USP20: variants seen among roughly 807,000 people sequenced by gnomAD.
The protein encoded by USP20 is ubiquitin specific peptidase 20, also known as ubiquitin carboxyl-terminal hydrolase 20.
In USP20, 80 loss-of-function variants were observed where a neutral mutation model predicts 124.2. The observed-to-expected ratio is 0.64, with a 90% CI of 0.54 to 0.78. The LOEUF is 0.78. Among genes scored for constraint, USP20 ranks in the 30% least tolerant of loss-of-function variants. USP20 has a pLI of 0.00. For missense variants in USP20, 1,043 were observed against 1,244.4 expected (o/e 0.84, Z 2.44); for synonymous variants, 481 against 512.3 (o/e 0.94, Z 0.83).
At position 129,856,363 on chromosome 9, in the gene USP20, A is replaced by G. The variant is rs2033217212; in HGVS notation, c.135+3A>G. ...CAAACCTATGGGCCTGTCTGCAGGT[A>G]AAAGACCCTTGTGGCCATCAGGGGT... On this transcript the variant is annotated splice_donor_region_variant and intron_variant, in intron 4 of 25. Coordinates refer to ENST00000372429, the MANE Select transcript of USP20 (RefSeq NM_001110303.4). The G allele has an allele frequency of 1.2e-6, 2 of 1,613,972 alleles. No individual in the cohort carries two copies. Among genetic ancestry groups the G allele is most frequent in the African/African-American group, 1.3e-5 (1 of 74,920 alleles).
intron 4 of USP20, among the ~76,000 whole-genome samples, chr9:129,857,817 C>T (rs866434225): frequency 6.6e-6 from 1 of 152,222 alleles, no homozygotes; most frequent in South Asian, 2.1e-4. Flanking sequence ...CCAGGGCATA[C>T]TGCTCGTCTC....
At chr9:129,853,040 T>A (rs3780699) in intron 3 of USP20, among the ~76,000 whole-genome samples, 31,467 of 151,884 alleles carry the variant, frequency 0.21, 3,410 homozygotes, top group Non-Finnish European at 0.25. Context: ...CCTTTTGGTG[T>A]TGTGAAATGA....
chr9:129,846,162 C>T (rs1035354345), intron 1 of USP20, among the ~76,000 whole-genome samples: 2 of 149,890 alleles, frequency 1.3e-5, no homozygotes, highest in Non-Finnish European at 3.0e-5. Context: ...ATCTCCTGAC[C>T]TCATGGTCCT....
At chr9:129,877,546 G>A (rs1470988017) in intron 22 of USP20, among the ~76,000 whole-genome samples, 1 of 151,772 alleles carries the variant, frequency 6.6e-6, no homozygotes, top group Admixed American at 6.6e-5. Context: ...AAAAGAGACT[G>A]TCAGGGCTGG....
intron 7 of USP20, 52 bp downstream of exon 7, chr9:129,861,085 T>A: frequency 6.4e-7 from 1 of 1,551,590 alleles, no homozygotes; most frequent in East Asian, 2.2e-5. Context: ...GGGGCCCTCA[T>A]CTGGAGGCTG....
intron 15 of USP20, 46 bp from the exon 16 acceptor site, chr9:129,873,436 A>G: frequency 6.2e-7 from 1 of 1,610,636 alleles, no homozygotes; most frequent in Non-Finnish European, 8.5e-7. Flanking sequence ...TTGCTCCCTC[A>G]TTTTGCATCC....
chr9:129,865,515 C>A, intron 10 of USP20, 134 bp downstream of exon 10: 1 of 860,556 alleles, frequency 1.2e-6, no homozygotes, highest in Non-Finnish European at 1.9e-6. Flanking sequence ...CAGGCTCTCA[C>A]TCCTAAGCCC....
Position 129,839,190 on chromosome 9 carries a change from A to G in USP20, c.-129+3691A>G, listed in dbSNP as rs945205478. ...GCTCAGTAGCTGTGTGACCTTAGCC[A>G]GTTATTCCACTTCTCTGAGCCTCGG... On this transcript the variant is annotated intron_variant, in intron 1 of 25. Transcript: ENST00000372429. The surrounding 1 kb of genome is among the most constrained non-coding windows in gnomAD (Gnocchi z 4.5). 2.0e-5 allele frequency among the ~76,000 whole-genome samples: 3 copies of G among 152,106 alleles called. No homozygotes were observed. Among genetic ancestry groups the G allele is most frequent in the African/African-American group, 4.8e-5 (2 of 41,410 alleles).
intron 2 of USP20, among the ~76,000 whole-genome samples, 152 bp downstream of exon 2, chr9:129,850,076 C>T (rs1337307337): frequency 3.3e-5 from 5 of 151,790 alleles, no homozygotes. Flanking sequence ...ATGTGATCGC[C>T]TGTGTGTCTG....
At chr9:129,842,122 C>T (rs781588630) in intron 1 of USP20, among the ~76,000 whole-genome samples, 1 of 152,186 alleles carries the variant, frequency 6.6e-6, no homozygotes, top group Non-Finnish European at 1.5e-5. Context: ...TGTGCATTGG[C>T]TCACTTCATC....
Position 129,863,204 on chromosome 9 carries a change from CT to C in USP20, c.518del (p.Phe173SerfsTer67). 6.5e-7 allele frequency: 1 copy of C among 1,541,678 alleles called. No homozygotes were observed. ...CACCCAGCCCGCCGCTGACTCAGTTCTTCTTGGAGTGTGGCGGCCTGGTGCG... is the reference window on the plus strand; with the variant it reads ...CACCCAGCCCGCCGCTGACTCAGTTCTCTTGGAGTGTGGCGGCCTGGTGCG... The part of the protein sequence containing the change: ...LSNCPPLTQF[F>X]LECGGLVRTD... On this transcript the variant is annotated frameshift_variant, in exon 9 of 26. Coordinates refer to ENST00000372429, the MANE Select transcript of USP20 (RefSeq NM_001110303.4). LOFTEE classifies it high-confidence loss of function.
chr9:129,848,805 C>T (rs2032737289), intron 1 of USP20, among the ~76,000 whole-genome samples: 1 of 152,202 alleles, frequency 6.6e-6, no homozygotes, highest in African/African-American at 2.4e-5. Context: ...GGCACATGGC[C>T]TCAGCAGAAA....
At chr9:129,864,800 T>C (rs1021992313) in intron 9 of USP20, among the ~76,000 whole-genome samples, 1 of 145,078 alleles carries the variant, frequency 6.9e-6, no homozygotes, top group Non-Finnish European at 1.5e-5. Flanking sequence ...AAACCCAGCA[T>C]GGTACAATAT....
At chr9:129,871,946 C>T (rs1424672031) in intron 15 of USP20, among the ~76,000 whole-genome samples, 1 of 152,054 alleles carries the variant, frequency 6.6e-6, no homozygotes, top group Non-Finnish European at 1.5e-5. Flanking sequence ...GAACTCCTGA[C>T]CTCAGGTGAT....
At chr9:129,851,300 C>G (rs1186351864) in intron 2 of USP20, among the ~76,000 whole-genome samples, 4 of 144,350 alleles carry the variant, frequency 2.8e-5, no homozygotes. Context: ...TGCTCTGTCA[C>G]CCAGGCTGGA....
In USP20 at chr9:129,852,544, G is replaced by T; in HGVS notation, c.-12G>T. 6.3e-7 allele frequency: 1 copy of T among 1,586,928 alleles called. No homozygotes were observed. The highest frequency in any genetic ancestry group is 2.3e-5 in the East Asian group (1 of 43,842). Reference sequence around the variant, plus strand: ...ATTGCTTGTGTCTTCTCATAGGTGAGCCCAGGCCAGGATGGGGGACTCCAG... The same window carrying T: ...ATTGCTTGTGTCTTCTCATAGGTGATCCCAGGCCAGGATGGGGGACTCCAG... On this transcript the variant is annotated 5_prime_UTR_variant, in exon 3 of 26. Transcript: ENST00000372429.
Position 129,858,528 on chromosome 9 carries a change from A to C in USP20, c.260A>C (p.Glu87Ala). 6.2e-7 allele frequency: 1 copy of C among 1,614,212 alleles called. No homozygotes were observed. Among genetic ancestry groups the C allele is most frequent in the Non-Finnish European group, 8.5e-7 (1 of 1,180,028 alleles). ...TTCCGACTGTGGTGTTACGCCTGTGAGAAGGAGGTATTCCTGGAGCAGCGG... is the reference window on the plus strand; with the variant it reads ...TTCCGACTGTGGTGTTACGCCTGTGCGAAGGAGGTATTCCTGGAGCAGCGG... ...TTFRLWCYACEKEVFLEQRLA... is the reference protein window; with the variant it reads ...TTFRLWCYACAKEVFLEQRLA... Residue 87 changes from glutamate to alanine, a missense_variant, in exon 6 of 26, where the codon GAG becomes GCG. Transcript: ENST00000372429.
rs2033973294 is a variant in USP20 at position 129,868,967 on chromosome 9, C to T, written c.1241C>T (p.Pro414Leu). The T allele has an allele frequency of 1.2e-6, 2 of 1,612,494 alleles. No individual in the cohort carries two copies. Among genetic ancestry groups the T allele is most frequent in the Non-Finnish European group, 8.5e-7 (1 of 1,179,276 alleles). The change falls in exon 12 of 26, where the codon CCC (proline) becomes CTC (leucine). Residue 414 changes from proline to leucine, a missense_variant. By Grantham distance (98) the Pro-to-Leu change is moderately conservative (BLOSUM62 -3). Transcript: ENST00000372429. ...KLSSSPPRAS[P>L]VRMAPSYVLK... ...TCTAGCAGCCCCCCTCGTGCAAGCC[C>T]CGTGAGGATGGCACCGTCGTACGTG...
At chr9:129,840,363 G>A (rs903243419) in intron 1 of USP20, among the ~76,000 whole-genome samples, 2 of 152,150 alleles carry the variant, frequency 1.3e-5, no homozygotes, top group Non-Finnish European at 2.9e-5. Flanking sequence ...AGCCGCCCTT[G>A]CCCTAGAGAG....
Sources: gnomAD v4.1 joint callset for allele counts (sites outside exome capture counted in the v4.1 genomes callset) on GRCh38, gnomAD v4.1.1 for gene constraint, Gnocchi (gnomAD v3.1) non-coding constraint, MANE v1.5 for transcripts, NCBI Gene and HGNC (gene_info 2026-07-23, HGNC 2026-07-21) for gene names.